Variants in NGEF observed in about 807,000 individuals in gnomAD.
NGEF encodes the protein ephexin-1.
NGEF carries 31 observed loss-of-function variants against 80.9 expected under a neutral mutation model. The ratio of observed to expected loss-of-function variants is 0.38; its 90% CI spans 0.29 to 0.52. The LOEUF is 0.52. Ranked by LOEUF, NGEF falls within the 20% of genes least tolerant of loss-of-function variation. NGEF has a pLI of 0.84. For synonymous variants in NGEF, 371 were observed against 370.2 expected, an observed-to-expected ratio of 1.00 and a Z score of -0.03; for missense variants, 709 against 926.2, an observed-to-expected ratio of 0.77 and a Z score of 3.04.
At chr2:232,914,408 T>C (rs1219000288) in intron 5 of NGEF, among the ~76,000 whole-genome samples, 1 of 152,162 alleles carries the variant, frequency 6.6e-6, no homozygotes, top group African/African-American at 2.4e-5. Context: ...AGACATGATG[T>C]AGAACATTCC....
intron 5 of NGEF, among the ~76,000 whole-genome samples, chr2:232,912,699 A>G (rs994451189): frequency 1.3e-5 from 2 of 152,140 alleles, no homozygotes; most frequent in Non-Finnish European, 1.5e-5. Flanking sequence ...CAGTCACAAG[A>G]CTATTCAGGT....
chr2:232,943,453 C>G (rs1480159231), intron 3 of NGEF, among the ~76,000 whole-genome samples: 1 of 151,988 alleles, frequency 6.6e-6, no homozygotes, highest in African/African-American at 2.4e-5. Context: ...ACTGCCTGTG[C>G]TGTCTCCACC....
intron 13 of NGEF, among the ~76,000 whole-genome samples, chr2:232,881,962 A>G (rs1574982094): frequency 6.6e-6 from 1 of 152,222 alleles, no homozygotes; most frequent in Non-Finnish European, 1.5e-5. Context: ...ACTTTGTGGT[A>G]CCTGTCACTT....
intron 5 of NGEF, among the ~76,000 whole-genome samples, chr2:232,904,844 G>A (rs976731149): frequency 3.9e-5 from 6 of 152,136 alleles, no homozygotes; most frequent in African/African-American, 7.2e-5. Flanking sequence ...TACTTGAGAG[G>A]CTGAGGCAGG....
At chr2:232,989,456 C>A (rs1448743965) in intron 1 of NGEF, among the ~76,000 whole-genome samples, 1 of 142,002 alleles carries the variant, frequency 7.0e-6, no homozygotes, top group Non-Finnish European at 1.6e-5. Context: ...CAAAACAAAA[C>A]AAACAAACAA....
chr2:232,890,757 C>T (rs1486227431), intron 8 of NGEF, among the ~76,000 whole-genome samples: 4 of 152,238 alleles, frequency 2.6e-5, no homozygotes, highest in East Asian at 1.9e-4. Context: ...TCCCCGTTTC[C>T]GTCACCCTCT....
chr2:232,953,474 G>A (rs1343573271), intron 3 of NGEF, among the ~76,000 whole-genome samples: 29 of 146,848 alleles, frequency 2.0e-4, no homozygotes, highest in Admixed American at 2.0e-4. Flanking sequence ...AAAAAAAAAA[G>A]CCAGAAGATA....
intron 3 of NGEF, among the ~76,000 whole-genome samples, chr2:232,964,837 C>T (rs923842430): frequency 6.6e-6 from 1 of 152,186 alleles, no homozygotes; most frequent in Non-Finnish European, 1.5e-5. Flanking sequence ...CAAAACCAAT[C>T]TGATGGTGAT....
At chr2:232,987,963 G>A (rs1208889961) in intron 1 of NGEF, among the ~76,000 whole-genome samples, 2 of 152,048 alleles carry the variant, frequency 1.3e-5, no homozygotes, top group Non-Finnish European at 2.9e-5. Flanking sequence ...CCAAGCTGGA[G>A]AAGGGATTGC....
chr2:232,884,727 T>A (rs1430527791), intron 10 of NGEF, among the ~76,000 whole-genome samples: 3 of 152,148 alleles, frequency 2.0e-5, no homozygotes, highest in Non-Finnish European at 4.4e-5. Context: ...TGGAGCTACA[T>A]GGGACGCCCA....
chr2:232,914,801 G>A (rs1452008343), intron 5 of NGEF, among the ~76,000 whole-genome samples: 1 of 151,858 alleles, frequency 6.6e-6, no homozygotes, highest in Non-Finnish European at 1.5e-5. Context: ...GGTGGATCAC[G>A]AGGTCAGGAG....
intron 3 of NGEF, among the ~76,000 whole-genome samples, chr2:232,963,904 T>G (rs1490590281): frequency 1.3e-5 from 2 of 152,100 alleles, no homozygotes; most frequent in East Asian, 3.8e-4. Flanking sequence ...TATAGAGAAC[T>G]CCTACAAATT....
chr2:232,914,339 C>T lies in NGEF; in HGVS notation c.828+5945G>A, dbSNP rs1291989579. 2.0e-5 allele frequency among the ~76,000 whole-genome samples: 3 copies of T among 152,236 alleles called. No homozygotes were observed. The East Asian group carries it at 5.8e-4, about 29-fold the overall frequency. ...CCAGGTGGAATTAAACATTCAGTTT[C>T]TTAGTTGCACTGACCAGTTTCAAAT... On this transcript the variant is annotated intron_variant, in intron 5 of 14. Transcript: ENST00000264051.
chr2:232,978,282 G>A (rs56300417), intron 1 of NGEF, among the ~76,000 whole-genome samples: 87,292 of 151,610 alleles, frequency 0.58, 26,272 homozygotes, highest in African/African-American at 0.72. Context: ...CACAGGCTGA[G>A]GGGGGGGATC....
intron 5 of NGEF, among the ~76,000 whole-genome samples, chr2:232,914,807 A>T (rs1692760365): frequency 6.6e-6 from 1 of 152,086 alleles, no homozygotes; most frequent in East Asian, 1.9e-4. Flanking sequence ...TCACGAGGTC[A>T]GGAGTTCAAG....
At chr2:232,969,327 CT>C (rs1694133609) in intron 3 of NGEF, among the ~76,000 whole-genome samples, 1 of 151,892 alleles carries the variant, frequency 6.6e-6, no homozygotes, top group Admixed American at 6.6e-5. Flanking sequence ...CCAGGCTGGC[CT>C]CAAAATCCTG....
intron 3 of NGEF, among the ~76,000 whole-genome samples, chr2:232,967,140 C>G (rs533486265): frequency 2.2e-4 from 34 of 152,198 alleles, no homozygotes; most frequent in African/African-American, 7.5e-4. Context: ...TGAGTTCTCA[C>G]GAGATCTGGA....
chr2:232,942,470 CA>C lies in NGEF; in HGVS notation c.384-15285del, dbSNP rs1169134705. On this transcript the variant is annotated intron_variant, in intron 3 of 14. Coordinates refer to ENST00000264051, the MANE Select transcript of NGEF (RefSeq NM_019850.3). The stretch of plus-strand genomic sequence containing the variant: ...TCCTCTCGGTAAATCGACTGATTTA[CA>C]GAGACAGGGACATCTTCCAGACCCT... Among the ~76,000 whole-genome samples the C allele has an allele frequency of 5.9e-5, 9 of 152,320 alleles. No individual in the cohort carries two copies. The East Asian group carries it at 1.7e-3, about 29-fold the overall frequency.
intron 3 of NGEF, among the ~76,000 whole-genome samples, chr2:232,956,781 TAAAAAAAAA>T (rs57407464): frequency 2.1e-3 from 130 of 62,116 alleles, no homozygotes; most frequent in African/African-American, 7.5e-3. Context: ...AGACTCCATC[TAAAAAAAAA>T]AAAAAAAAAA....
Sources: gnomAD v4.1 joint callset for allele counts (sites outside exome capture counted in the v4.1 genomes callset) on GRCh38, gnomAD v4.1.1 for gene constraint, MANE v1.5 for transcripts, NCBI Gene and HGNC (gene_info 2026-07-23, HGNC 2026-07-21) for gene names.